Variants in LONRF3 observed in about 807,000 individuals in gnomAD.
LONRF3 encodes the protein LON peptidase N-terminal domain and RING finger protein 3.
A neutral mutation model predicts 51.7 loss-of-function variants in LONRF3; 19 were observed. That is an observed-to-expected ratio of 0.37 (90% confidence interval 0.26 to 0.54). The LOEUF (loss-of-function observed/expected upper bound fraction) is 0.54, where lower values mean the gene tolerates loss of function less well. Ranked by LOEUF, LONRF3 falls within the 20% of genes least tolerant of loss-of-function variation. LONRF3 has a pLI of 0.86. For synonymous variants in LONRF3, 265 were observed against 257.8 expected, an observed-to-expected ratio of 1.03 and a Z score of -0.27; for missense variants, 521 against 623.9, an observed-to-expected ratio of 0.84 and a Z score of 1.76.
chrX:119,000,713 A>G (rs1213173835), intron 5 of LONRF3, among the ~76,000 whole-genome samples: 3 of 110,272 alleles, frequency 2.7e-5, no homozygotes, highest in Non-Finnish European at 5.7e-5. Flanking sequence ...GAAGCTTCAT[A>G]TTTAACCTAG....
intron 10 of LONRF3, among the ~76,000 whole-genome samples, chrX:119,016,937 G>T (rs1925502511): frequency 8.9e-6 from 1 of 112,346 alleles, no homozygotes; most frequent in Admixed American, 9.4e-5. Context: ...AGACTACATA[G>T]TAGATACCAG....
intron 5 of LONRF3, among the ~76,000 whole-genome samples, chrX:118,995,501 C>A (rs1923802259): frequency 9.0e-6 from 1 of 111,559 alleles, no homozygotes; most frequent in Non-Finnish European, 1.9e-5. Flanking sequence ...CAGAGCAGAA[C>A]TAAATTAAAT....
chrX:119,015,859 G>T (rs568472305), intron 10 of LONRF3, among the ~76,000 whole-genome samples: 3 of 112,280 alleles, frequency 2.7e-5, no homozygotes, highest in African/African-American at 9.7e-5. Context: ...ATCCCCAGTG[G>T]TCCCACAAAT....
intron 5 of LONRF3, 57 bp downstream of exon 5, chrX:118,990,617 A>G: frequency 1.0e-6 from 1 of 985,324 alleles, no homozygotes; most frequent in Non-Finnish European, 1.4e-6. Context: ...TGGTGTCTGG[A>G]CCTTTCTGCT....
At chrX:118,987,516 A>G (rs1192336725) in intron 3 of LONRF3, among the ~76,000 whole-genome samples, 3 of 85,452 alleles carry the variant, frequency 3.5e-5, no homozygotes, top group Non-Finnish European at 6.4e-5. Flanking sequence ...CTGGTCTCGA[A>G]CTCCTGGCCT....
rs1374508958 is a variant in LONRF3, at chrX:118,990,540, T to G, written c.1395T>G (p.Leu465=). ...TTGCATCTTTCGACGCATCTGACCT[T>G]GAATGCGCTCTATGTATGAGGTACG... ...LPLASFDASD[L]ECALCMRLFY... is the part of the protein sequence containing the mutation. The change falls in exon 5 of 11, where the codon CTT becomes CTG. Residue 465 remains leucine (L), a synonymous_variant. Coordinates refer to ENST00000371628, the MANE Select transcript of LONRF3 (RefSeq NM_001031855.3). 8.3e-7 allele frequency: 1 copy of G among 1,205,245 alleles called. No homozygotes were observed. The highest frequency in any genetic ancestry group is 1.8e-5 in the South Asian group (1 of 56,815).
At position 119,013,205 on chromosome X, in the gene LONRF3, AG is replaced by A; in HGVS notation, c.1974+7del. 1 of 1,202,485 alleles carries A rather than the reference AG, an allele frequency of 8.3e-7. No homozygotes were observed. The highest frequency in any genetic ancestry group is 1.1e-6 in the Non-Finnish European group (1 of 890,416). On this transcript the variant is annotated splice_donor_5th_base_variant and intron_variant, in intron 9 of 10. Coordinates refer to ENST00000371628, the MANE Select transcript of LONRF3 (RefSeq NM_001031855.3). ...TGAATACATTGAAGACCAAAAGGTA[AG>A]GGTGGCCAGTGCCAAGAATCCCAAA... is the stretch of plus-strand genomic sequence containing the variant.
At position 118,974,766 on chromosome X, in the gene LONRF3, C is replaced by T. The variant is rs138448277; in HGVS notation, c.-15C>T. ...GGTCCCTAGACGCCTCGTCTCCTCC[C>T]GTGTCCCTCTTCCCATGGAGTCAGT... is the stretch of plus-strand genomic sequence containing the variant. On this transcript the variant is annotated 5_prime_UTR_variant, in exon 1 of 11. Coordinates refer to ENST00000371628, the MANE Select transcript of LONRF3 (RefSeq NM_001031855.3). 3,299 of 1,171,469 alleles carry T rather than the reference C, an allele frequency of 2.8e-3. 60 individuals are homozygous for T. In the African/African-American group the frequency reaches 0.048, roughly 17 times the overall value.
intron 5 of LONRF3, among the ~76,000 whole-genome samples, chrX:118,996,569 A>G (rs972271637): frequency 8.1e-5 from 9 of 111,629 alleles, no homozygotes; most frequent in Non-Finnish European, 1.7e-4. Flanking sequence ...AATAGCTGCA[A>G]AAAAATAAAA....
chrX:118,992,600 G>A (rs1335440403), intron 5 of LONRF3, among the ~76,000 whole-genome samples: 1 of 110,924 alleles, frequency 9.0e-6, no homozygotes, highest in Non-Finnish European at 1.9e-5. Context: ...GGTAGTGGAA[G>A]ACAAAGGGCA....
chrX:119,004,660 A>G (rs1177403645), intron 5 of LONRF3, among the ~76,000 whole-genome samples: 1 of 111,453 alleles, frequency 9.0e-6, no homozygotes. Context: ...TGACTGGGGG[A>G]GGCAGGAAGG....
chrX:118,979,606 A>G (rs1398879489), intron 2 of LONRF3, among the ~76,000 whole-genome samples: 1 of 111,787 alleles, frequency 8.9e-6, no homozygotes, highest in Non-Finnish European at 1.9e-5. Context: ...AATGTTTTCT[A>G]TCGCCATTTT....
At chrX:119,009,486 G>A (rs1410605343) in intron 7 of LONRF3, among the ~76,000 whole-genome samples, 3 of 112,163 alleles carry the variant, frequency 2.7e-5, no homozygotes, top group Non-Finnish European at 3.8e-5. Flanking sequence ...AGCGAAACCA[G>A]TGATGAGGGT....
chrX:118,990,438 C>T (rs1420944917), intron 4 of LONRF3, 32 bp from the exon 5 acceptor site: 42 of 1,117,884 alleles, frequency 3.8e-5, no homozygotes, highest in Non-Finnish European at 4.8e-5. Flanking sequence ...CGGGGTGGCT[C>T]CAGCGCTGAC....
At chrX:119,014,105 A>T in intron 9 of LONRF3, 102 bp from the exon 10 acceptor site, 1 of 877,612 alleles carries the variant, frequency 1.1e-6, no homozygotes, top group Non-Finnish European at 1.6e-6. Flanking sequence ...GCCTTCCCAT[A>T]GGAAGGCAGG....
Position 119,013,219 on chromosome X carries a change from C to G in LONRF3, c.1974+18C>G. Reference sequence around the variant, plus strand: ...ACCAAAAGGTAAGGGTGGCCAGTGCCAAGAATCCCAAAGCCAGGCTATCCT... The same window carrying G: ...ACCAAAAGGTAAGGGTGGCCAGTGCGAAGAATCCCAAAGCCAGGCTATCCT... On this transcript the variant is annotated intron_variant, in intron 9 of 10. Transcript: ENST00000371628. 6.8e-6 allele frequency: 8 copies of G among 1,185,182 alleles called. No homozygotes were observed. The highest frequency in any genetic ancestry group is 9.1e-6 in the Non-Finnish European group (8 of 876,245).
At chrX:118,979,217 A>T (rs1337648479) in intron 2 of LONRF3, among the ~76,000 whole-genome samples, 2 of 108,545 alleles carry the variant, frequency 1.8e-5, no homozygotes, top group African/African-American at 6.7e-5. Context: ...GTTAGCCAGG[A>T]TGGTCTCGAT....
At chrX:118,989,748 C>T in intron 4 of LONRF3, 76 bp downstream of exon 4, 4 of 1,058,733 alleles carry the variant, frequency 3.8e-6, no homozygotes, top group Non-Finnish European at 5.0e-6. Context: ...TTACTTACCT[C>T]TGTCTGGGGG....
intron 5 of LONRF3, among the ~76,000 whole-genome samples, chrX:119,002,612 GTGTT>G (rs937184846): frequency 1.1e-4 from 12 of 110,915 alleles, no homozygotes; most frequent in Admixed American, 1.1e-3. Flanking sequence ...GTGCTTATAA[GTGTT>G]TGTTCATTTT....
Sources: allele counts gnomAD v4.1 joint callset (sites outside exome capture counted in the v4.1 genomes callset), GRCh38; gene constraint gnomAD v4.1.1; transcripts MANE v1.5; gene names NCBI Gene and HGNC (gene_info 2026-07-23, HGNC 2026-07-21).